Variants in PRRG1 observed in about 807,000 individuals in gnomAD.
PRRG1 encodes transmembrane gamma-carboxyglutamic acid protein 1.
In PRRG1, 5 loss-of-function variants were observed where a neutral mutation model predicts 11.8. The observed-to-expected ratio is 0.42, with a 90% CI of 0.22 to 0.89. The LOEUF is 0.89. Ranked by LOEUF, PRRG1 falls within the 40% of genes least tolerant of loss-of-function variation. The pLI, the probability that PRRG1 is intolerant of heterozygous loss-of-function variation, is 0.28. For synonymous variants in PRRG1, 66 were observed against 60.4 expected (o/e 1.09, Z -0.43); for missense variants, 155 against 166.1 (o/e 0.93, Z 0.37).
intron 1 of PRRG1, among the ~76,000 whole-genome samples, chrX:37,376,348 G>A (rs186193036): frequency 0.019 from 1,961 of 104,006 alleles, 55 homozygotes; most frequent in African/African-American, 0.064. Context: ...ATGCTAAATT[G>A]AGGAAATTCT....
intron 3 of PRRG1, among the ~76,000 whole-genome samples, chrX:37,437,637 C>CT (rs1385470920): frequency 8.9e-6 from 1 of 112,150 alleles, no homozygotes; most frequent in Non-Finnish European, 1.9e-5. Flanking sequence ...CAATAAAACA[C>CT]TGACATTCAA....
At chrX:37,355,287 C>T (rs781895555) in intron 1 of PRRG1, among the ~76,000 whole-genome samples, 1 of 110,860 alleles carries the variant, frequency 9.0e-6, no homozygotes, top group South Asian at 3.9e-4. Context: ...AAACAATACA[C>T]TTAAGTTTAG....
Position 37,351,981 on chromosome X carries a change from G to C in PRRG1, c.-42+2586G>C, listed in dbSNP as rs782739478. Among the ~76,000 whole-genome samples, 13 of 112,388 alleles carry C rather than the reference G, an allele frequency of 1.2e-4. No individual in the cohort carries two copies. In the South Asian group the frequency reaches 4.8e-3, roughly 42 times the overall value. ...GGGTCTCTTCATGTTACAGTTCCCT[G>C]ATAGGCTTGGTCTAACCATTTCTGC... On this transcript the variant is annotated intron_variant, in intron 1 of 3. Coordinates refer to ENST00000378628, the MANE Select transcript of PRRG1 (RefSeq NM_001142395.2).
chrX:37,413,441 G>C (rs1300836706), intron 2 of PRRG1, among the ~76,000 whole-genome samples: 1 of 111,044 alleles, frequency 9.0e-6, no homozygotes, highest in Non-Finnish European at 1.9e-5. Context: ...TATGCATTTA[G>C]GATTCTTTCA....
chrX:37,444,786 G>T (rs1202403800), intron 3 of PRRG1, among the ~76,000 whole-genome samples: 6 of 111,636 alleles, frequency 5.4e-5, no homozygotes, highest in African/African-American at 2.0e-4. Flanking sequence ...ACTCAGGAGG[G>T]TACATGGCTG....
intron 3 of PRRG1, among the ~76,000 whole-genome samples, chrX:37,443,910 A>G (rs781936413): frequency 1.4e-4 from 16 of 112,152 alleles, no homozygotes; most frequent in African/African-American, 5.2e-4. Flanking sequence ...CTGAAAAACT[A>G]CTCAAAACAT....
At chrX:37,434,298 C>T (rs782492133) in intron 3 of PRRG1, among the ~76,000 whole-genome samples, 1 of 111,892 alleles carries the variant, frequency 8.9e-6, no homozygotes. Context: ...TCATTTTCAT[C>T]ATGTAGAAAA....
Position 37,432,246 on chromosome X carries a change from C to G in PRRG1, c.171+6246C>G, listed in dbSNP as rs781859776. Among the ~76,000 whole-genome samples, 436 of 110,503 alleles carry G rather than the reference C, an allele frequency of 3.9e-3. 4 individuals carry two copies. The highest frequency in any genetic ancestry group is 0.014 in the African/African-American group (425 of 30,097). ...GGGACTACAGACGCCTGCCACCACG[C>G]CCGGCTAATTTTTTGTATTTTTAGT... On this transcript the variant is annotated intron_variant, in intron 3 of 3. Transcript: ENST00000378628.
chrX:37,446,053 AT>A (rs1556395101), intron 3 of PRRG1, among the ~76,000 whole-genome samples: 1 of 112,595 alleles, frequency 8.9e-6, no homozygotes, highest in Admixed American at 9.4e-5. Context: ...TAAATGTGCA[AT>A]TGTCTTTGTA....
At chrX:37,442,291 G>A (rs782506416) in intron 3 of PRRG1, 35 of 701,064 alleles carry the variant, frequency 5.0e-5, no homozygotes, top group Non-Finnish European at 5.4e-5. Flanking sequence ...ACATCCCCAT[G>A]CAGGCTTAAA....
chrX:37,368,116 TA>T (rs1556369945), intron 1 of PRRG1, among the ~76,000 whole-genome samples: 1 of 112,221 alleles, frequency 8.9e-6, no homozygotes, highest in Non-Finnish European at 1.9e-5. Flanking sequence ...TCTTTCCTGG[TA>T]AGTACATCAC....
intron 1 of PRRG1, among the ~76,000 whole-genome samples, 176 bp from the exon 2 acceptor site, chrX:37,406,025 GCTTCTGTC>G (rs369298866): frequency 8.9e-6 from 1 of 112,004 alleles, no homozygotes; most frequent in African/African-American, 3.2e-5. Context: ...AGAATATTGT[GCTTCTGTC>G]CTCTGAGGTT....
chrX:37,405,440 A>G (rs924415596), intron 1 of PRRG1, among the ~76,000 whole-genome samples: 4 of 111,607 alleles, frequency 3.6e-5, no homozygotes, highest in Non-Finnish European at 5.7e-5. Context: ...TTAGTTTCAT[A>G]TTGGGAACAT....
chrX:37,407,630 C>T (rs370556542), intron 2 of PRRG1, among the ~76,000 whole-genome samples: 2 of 111,755 alleles, frequency 1.8e-5, no homozygotes, highest in African/African-American at 6.5e-5. Context: ...AGAAAGTTGT[C>T]GTTGGCATAA....
At position 37,453,473 on chromosome X, in the gene PRRG1, C is replaced by T; in HGVS notation, c.509C>T (p.Pro170Leu). The T allele has an allele frequency of 3.3e-6, 4 of 1,210,992 alleles. No individual in the cohort carries two copies. Among genetic ancestry groups the T allele is most frequent in the Non-Finnish European group, 4.5e-6 (4 of 895,316 alleles). ...CGCCTGTCCAATTGTGATCCCCCGCCAACCTATGAGGAAGCCACTGGCCAA... is the reference window on the plus strand; with the variant it reads ...CGCCTGTCCAATTGTGATCCCCCGCTAACCTATGAGGAAGCCACTGGCCAA... ...STRLSNCDPPPTYEEATGQVN... is the reference protein window; with the variant it reads ...STRLSNCDPPLTYEEATGQVN... The change falls in exon 4 of 4, where the codon CCA becomes CTA. Residue 170 changes from proline (P) to leucine (L), a missense_variant. Coordinates refer to ENST00000378628, the MANE Select transcript of PRRG1 (RefSeq NM_001142395.2).
Position 37,455,789 on chromosome X carries a change from T to C in PRRG1, c.*2168T>C, listed in dbSNP as rs1437338264. 8.9e-6 allele frequency: 1 copy of C among 112,403 alleles called. No individual in the cohort carries two copies. The highest frequency in any genetic ancestry group is 1.9e-5 in the Non-Finnish European group (1 of 53,312). 9.3% of individuals were successfully genotyped at this position (112,403 alleles called of 1,213,427 possible). ...TTTGATCCAGTGAACTGTGTATGTA[T>C]GTGTGGGGTTTTTTTCTTTATTTTT... On this transcript the variant is annotated 3_prime_UTR_variant, in exon 4 of 4. Coordinates refer to ENST00000378628, the MANE Select transcript of PRRG1 (RefSeq NM_001142395.2).
chrX:37,418,749 A>G (rs955191945), intron 2 of PRRG1, among the ~76,000 whole-genome samples: 13 of 111,488 alleles, frequency 1.2e-4, no homozygotes, highest in African/African-American at 3.9e-4. Context: ...ATCCTACTCT[A>G]AATAACCCCC....
intron 3 of PRRG1, among the ~76,000 whole-genome samples, chrX:37,450,933 T>C (rs1429289605): frequency 8.9e-6 from 1 of 112,567 alleles, no homozygotes; most frequent in Non-Finnish European, 1.9e-5. Context: ...TAAACCAAAA[T>C]GTTAGTACTG....
At chrX:37,432,513 C>G (rs1569448120) in intron 3 of PRRG1, among the ~76,000 whole-genome samples, 1 of 111,841 alleles carries the variant, frequency 8.9e-6, no homozygotes, top group Non-Finnish European at 1.9e-5. Context: ...AGAAGAAATT[C>G]CTTCAACTGT....
Sources: allele counts gnomAD v4.1 joint callset (sites outside exome capture counted in the v4.1 genomes callset), GRCh38; gene constraint gnomAD v4.1.1; transcripts MANE v1.5; gene names NCBI Gene and HGNC (gene_info 2026-07-23, HGNC 2026-07-21).